DAB1: variants seen among roughly 807,000 people sequenced by gnomAD.
The protein encoded by DAB1 is disabled homolog 1.
A neutral mutation model predicts 64.6 loss-of-function variants in DAB1; 15 were observed. That is an observed-to-expected ratio of 0.23 (90% CI 0.16 to 0.36). DAB1 has a LOEUF of 0.36. DAB1 is among the 10% of genes least tolerant of loss of function. DAB1 has a pLI of 1.00. For synonymous variants in DAB1, 235 were observed against 251.9 expected, an observed-to-expected ratio of 0.93 and a Z score of 0.64; for missense variants, 596 against 706.7, an observed-to-expected ratio of 0.84 and a Z score of 1.78.
chr1:58,238,996 C>G (rs1660174329), intron 4 of DAB1, among the ~76,000 whole-genome samples: 1 of 152,132 alleles, frequency 6.6e-6, no homozygotes, highest in South Asian at 2.1e-4. Flanking sequence ...CTGTCTGTCC[C>G]TAGCAACAGT....
At chr1:57,059,885 T>C (rs1253211021) in intron 9 of DAB1, among the ~76,000 whole-genome samples, 2 of 152,164 alleles carry the variant, frequency 1.3e-5, no homozygotes, top group Non-Finnish European at 2.9e-5. Context: ...TCTCTTAGGC[T>C]TTTGAAAATG....
chr1:57,889,532 A>G (rs1644274949), intron 5 of DAB1, among the ~76,000 whole-genome samples: 1 of 152,242 alleles, frequency 6.6e-6, no homozygotes. Flanking sequence ...TTTTATGAAC[A>G]AGACAACAGT....
chr1:58,030,352 AT>A (rs1646954611), intron 5 of DAB1, among the ~76,000 whole-genome samples: 1 of 152,186 alleles, frequency 6.6e-6, no homozygotes, highest in Non-Finnish European at 1.5e-5. Flanking sequence ...ATTTGTATTT[AT>A]TTTTTATTTC....
intron 7 of DAB1, among the ~76,000 whole-genome samples, chr1:57,591,751 A>C (rs1645447900): frequency 6.6e-6 from 1 of 152,208 alleles, no homozygotes; most frequent in African/African-American, 2.4e-5. Context: ...AGCAGAATTT[A>C]TTATTTTTTG....
Position 58,098,037 on chromosome 1 carries a change from G to A in DAB1, n.387+52474C>T, listed in dbSNP as rs139903451. The stretch of plus-strand genomic sequence containing the variant: ...ACATTTATTGACCATTTACTCCAGT[G>A]TTAGTGGACAAAGCAGACAGTAGAG... On this transcript the variant is annotated intron_variant and non_coding_transcript_variant, in intron 5 of 20. Coordinates refer to the DAB1 transcript ENST00000485760. Among the ~76,000 whole-genome samples, 144 of 152,312 alleles carry A rather than the reference G, an allele frequency of 9.5e-4. 1 individual carries two copies. The highest frequency in any genetic ancestry group is 3.0e-3 in the African/African-American group (123 of 41,564).
intron 1 of DAB1, among the ~76,000 whole-genome samples, chr1:57,860,158 G>A (rs1274783193): frequency 6.6e-6 from 1 of 152,124 alleles, no homozygotes; most frequent in Non-Finnish European, 1.5e-5. Context: ...TTGGGTTTGT[G>A]TATTTCACGA....
Position 57,062,604 on chromosome 1 carries a change from C to T in DAB1, c.723+280G>A, listed in dbSNP as rs1020516467. On this transcript the variant is annotated intron_variant, in intron 9 of 14. Transcript: ENST00000371236. ...GACTTTTGCCCTAGAACACCTATGA[C>T]CTTGAGGCCCTTAAACAGAGTAGTT... Among the ~76,000 whole-genome samples the T allele has an allele frequency of 2.6e-5, 4 of 152,158 alleles. No homozygotes were observed. The East Asian group carries it at 7.7e-4, about 29-fold the overall frequency.
chr1:58,047,875 G>A (rs1437936922), intron 5 of DAB1: 2 of 327,024 alleles, frequency 6.1e-6, no homozygotes, highest in Admixed American at 8.8e-5. Context: ...ATCACGATCA[G>A]ACTATTACAT....
At chr1:57,682,139 T>C (rs1384976159) in intron 6 of DAB1, among the ~76,000 whole-genome samples, 2 of 151,756 alleles carry the variant, frequency 1.3e-5, no homozygotes, top group African/African-American at 2.4e-5. Flanking sequence ...ATGGAAGGGA[T>C]AGAAATATTC....
chr1:57,487,656 T>C (rs1053092371), intron 7 of DAB1, among the ~76,000 whole-genome samples: 2 of 152,190 alleles, frequency 1.3e-5, no homozygotes, highest in Non-Finnish European at 2.9e-5. Context: ...TAACAGGCTG[T>C]CCAGATTTGT....
intron 3 of DAB1, among the ~76,000 whole-genome samples, chr1:58,459,215 T>C (rs1234046888): frequency 6.6e-6 from 1 of 152,366 alleles, no homozygotes; most frequent in African/African-American, 2.4e-5. Flanking sequence ...ACTGCAATGT[T>C]ACAAAATCAC....
At chr1:57,940,793 T>C (rs1185354760) in intron 5 of DAB1, among the ~76,000 whole-genome samples, 4 of 152,294 alleles carry the variant, frequency 2.6e-5, no homozygotes, top group East Asian at 3.9e-4. Flanking sequence ...CGAGAAGCCC[T>C]TGGCAAAGTG....
chr1:58,055,215 G>C (rs1025609022), intron 5 of DAB1, among the ~76,000 whole-genome samples: 1 of 152,120 alleles, frequency 6.6e-6, no homozygotes, highest in Admixed American at 6.5e-5. Context: ...TGCAGATCTG[G>C]CTCCTGTTAC....
intron 7 of DAB1, among the ~76,000 whole-genome samples, chr1:57,636,002 C>A (rs1646049042): frequency 6.8e-6 from 1 of 146,914 alleles, no homozygotes; most frequent in Non-Finnish European, 1.5e-5. Context: ...GAGGCTGAGG[C>A]AGGAGAATGG....
rs184432837 is a variant in DAB1 at position 58,301,491 on chromosome 1, C to A, written n.309+41861G>T. ...CTTAGAACATTGTGAGATTATTTTG[C>A]GAATTTTTTTTTTAGCTCATCAGCT... On this transcript the variant is annotated intron_variant and non_coding_transcript_variant, in intron 4 of 20. Transcript: ENST00000485760. Among the ~76,000 whole-genome samples the A allele has an allele frequency of 8.1e-5, 12 of 148,092 alleles. No homozygotes were observed. The East Asian group carries it at 1.4e-3, about 17-fold the overall frequency.
chr1:58,194,707 C>A (rs888148405), intron 4 of DAB1, among the ~76,000 whole-genome samples: 4 of 152,224 alleles, frequency 2.6e-5, no homozygotes, highest in Non-Finnish European at 5.9e-5. Flanking sequence ...CTTCCTGCAA[C>A]CTTTCATTCT....
At chr1:58,372,600 G>C (rs975336097) in intron 3 of DAB1, among the ~76,000 whole-genome samples, 1 of 152,160 alleles carries the variant, frequency 6.6e-6, no homozygotes, top group African/African-American at 2.4e-5. Flanking sequence ...GCCAGGAGAA[G>C]AATAATATGG....
At chr1:58,176,991 A>G (rs1656519120) in intron 4 of DAB1, among the ~76,000 whole-genome samples, 1 of 152,052 alleles carries the variant, frequency 6.6e-6, no homozygotes, top group Admixed American at 6.6e-5. Context: ...AAAAAAAAAA[A>G]AAAGTCCCAC....
intron 5 of DAB1, among the ~76,000 whole-genome samples, chr1:58,044,315 C>A (rs1345500281): frequency 1.3e-5 from 2 of 152,048 alleles, no homozygotes; most frequent in Non-Finnish European, 2.9e-5. Flanking sequence ...CTGAAGGTGA[C>A]CCTGGTCTCT....
Sources: gnomAD v4.1 joint callset for allele counts (sites outside exome capture counted in the v4.1 genomes callset) on GRCh38, gnomAD v4.1.1 for gene constraint, MANE v1.5 for transcripts, NCBI Gene and HGNC (gene_info 2026-07-23, HGNC 2026-07-21) for gene names.